Variants in NOS2 observed in about 807,000 individuals in gnomAD.
NOS2 encodes the protein nitric oxide synthase 2.
Under a neutral mutation model 136.0 loss-of-function variants are expected in NOS2, and 96 were observed. The ratio of observed to expected loss-of-function variants is 0.71; its 90% CI spans 0.60 to 0.84. The LOEUF (loss-of-function observed/expected upper bound fraction) is 0.84, where lower values mean the gene tolerates loss of function less well. Among genes scored for constraint, NOS2 ranks in the 40% least tolerant of loss-of-function variants. The pLI is 0.00. For synonymous variants in NOS2, 539 were observed against 587.5 expected (o/e 0.92, Z 1.20); for missense variants, 1,237 against 1,496.9 (o/e 0.83, Z 2.87).
Position 27,787,789 on chromosome 17 carries a change from A to G in NOS2, c.356T>C (p.Ile119Thr). The G allele has an allele frequency of 6.2e-7, 1 of 1,613,046 alleles. No individual in the cohort carries two copies. The highest frequency in any genetic ancestry group is 8.5e-7 in the Non-Finnish European group (1 of 1,179,556). ...TCTGGTCAAACTTTTGGGAGTCATA[A>G]TGGACCCCAGGCAAGATTTGGACCT... is the stretch of plus-strand genomic sequence containing the variant. ...TCRSKSCLGS[I>T]MTPKSLTRGP... The change falls in exon 5 of 27, where the codon ATT becomes ACT. Residue 119 changes from isoleucine to threonine, a missense_variant. Physicochemically the swap from Ile to Thr is moderately conservative, Grantham distance 89 (BLOSUM62 -1). Coordinates refer to ENST00000313735, the MANE Select transcript of NOS2 (RefSeq NM_000625.4).
intron 2 of NOS2, among the ~76,000 whole-genome samples, chr17:27,796,021 G>A (rs753031992): frequency 9.2e-5 from 14 of 152,158 alleles, no homozygotes; most frequent in Non-Finnish European, 1.5e-4. Flanking sequence ...AGCCAACACC[G>A]TAAGGGTTTT....
intron 3 of NOS2, 126 bp from the exon 4 acceptor site, chr17:27,789,057 C>G: frequency 7.6e-7 from 1 of 1,317,246 alleles, no homozygotes; most frequent in Non-Finnish European, 1.0e-6. Context: ...CGTCCCTCCT[C>G]TGTTTCCAGC....
intron 11 of NOS2, among the ~76,000 whole-genome samples, chr17:27,777,312 A>G (rs569039036): frequency 1.3e-5 from 2 of 152,350 alleles, no homozygotes; most frequent in South Asian, 4.1e-4. Flanking sequence ...GGCATCTGTC[A>G]GCTTTGTGGC....
rs772196778 is a variant in NOS2, at chr17:27,780,883, C to T, written c.888G>A (p.Lys296=). 1.2e-6 allele frequency: 2 copies of T among 1,613,780 alleles called. No individual in the cohort carries two copies. Among genetic ancestry groups the T allele is most frequent in the African/African-American group, 1.3e-5 (1 of 75,062 alleles). Residue 296 remains lysine, a synonymous_variant, in exon 9 of 27, where the codon AAG becomes AAA. Coordinates refer to ENST00000313735, the MANE Select transcript of NOS2 (RefSeq NM_000625.4). ...FTQLCIDLGW[K]PKYGRFDVVP... ...CCACATCGAAGCGGCCGTACTTGGG[C>T]TTCCAGCCCAGGTCGATGCACAGCT... is the stretch of plus-strand genomic sequence containing the variant.
At chr17:27,789,975 G>A (rs1909142721) in intron 2 of NOS2, among the ~76,000 whole-genome samples, 1 of 152,212 alleles carries the variant, frequency 6.6e-6, no homozygotes, top group Non-Finnish European at 1.5e-5. Context: ...TCACCCTCTG[G>A]AAAAGCCAAG....
chr17:27,789,034 G>C (rs1909110107), intron 3 of NOS2, 103 bp from the exon 4 acceptor site: 2 of 1,454,736 alleles, frequency 1.4e-6, no homozygotes, highest in East Asian at 4.7e-5. Context: ...ACACAGGGCA[G>C]GGTGTCCCTC....
At position 27,769,598 on chromosome 17, in the gene NOS2, G is replaced by A. The variant is rs777664480; in HGVS notation, c.1810-14C>T. The A allele has an allele frequency of 6.2e-7, 1 of 1,606,024 alleles. No individual in the cohort carries two copies. Among genetic ancestry groups the A allele is most frequent in the Non-Finnish European group, 8.5e-7 (1 of 1,172,620 alleles). ...TTTCTTCAGTTTCTAGAAAGAGAGGGAATGACAGAGTTCTCAAGCCAGGAT... is the reference window on the plus strand; with the variant it reads ...TTTCTTCAGTTTCTAGAAAGAGAGGAAATGACAGAGTTCTCAAGCCAGGAT... On this transcript the variant is annotated splice_polypyrimidine_tract_variant and intron_variant, in intron 15 of 26. Coordinates refer to ENST00000313735, the MANE Select transcript of NOS2 (RefSeq NM_000625.4).
rs199687777 is a variant in NOS2, at chr17:27,780,920, C to G, written c.865-14G>C. 2 of 1,608,270 alleles carry G rather than the reference C, an allele frequency of 1.2e-6. No homozygotes were observed. The highest frequency in any genetic ancestry group is 2.2e-5 in the South Asian group (2 of 90,042). ...GTCGATGCACAGCTGGGGAACAAGA[C>G]GGGCCCTGTGAGTCTGTAAGCCCGG... On this transcript the variant is annotated splice_polypyrimidine_tract_variant and intron_variant, in intron 8 of 26. Coordinates refer to ENST00000313735, the MANE Select transcript of NOS2 (RefSeq NM_000625.4).
chr17:27,769,051 T>C lies in NOS2; in HGVS notation c.1960A>G (p.Thr654Ala). 2 of 1,612,544 alleles carry C rather than the reference T, an allele frequency of 1.2e-6. No homozygotes were observed. The highest frequency in any genetic ancestry group is 2.7e-5 in the African/African-American group (2 of 75,012). The change falls in exon 17 of 27, where the codon ACC becomes GCC. Residue 654 changes from threonine (T) to alanine (A), a missense_variant. Physicochemically the swap from Thr to Ala is moderately conservative, Grantham distance 58. Transcript: ENST00000313735. ...AGCTCATCCCCTTCTCCCATCGGGG[T>C]GAGCTGAGAGGCCCCCAGGTGGGAC... ...KLSHLGASQL[T>A]PMGEGDELSG...
chr17:27,763,021 G>A lies in NOS2; in HGVS notation c.2593-16C>T. 5 of 1,563,916 alleles carry A rather than the reference G, an allele frequency of 3.2e-6. No individual in the cohort carries two copies. In the South Asian group the frequency reaches 4.7e-5, roughly 15 times the overall value. On this transcript the variant is annotated splice_polypyrimidine_tract_variant and intron_variant, in intron 21 of 26. Transcript: ENST00000313735. Reference sequence around the variant, plus strand: ...ACTCTGAGGGCTAAAAGCCAAGGGTGATGTCAGTGACTCAGGGCGCCTGTC... The same window carrying A: ...ACTCTGAGGGCTAAAAGCCAAGGGTAATGTCAGTGACTCAGGGCGCCTGTC...
In NOS2 at chr17:27,769,881, G is replaced by A. The variant is rs144778238; in HGVS notation, c.1810-297C>T. On this transcript the variant is annotated intron_variant, in intron 15 of 26. Transcript: ENST00000313735. ...GGCAGAGGGGCCTGCCTGGTAGCAT[G>A]CCTTCTCCAGAGGGGCTCCGAATGC... Among the ~76,000 whole-genome samples the A allele has an allele frequency of 2.6e-5, 4 of 152,326 alleles. No homozygotes were observed. The East Asian group carries it at 7.7e-4, about 29-fold the overall frequency.
intron 2 of NOS2, among the ~76,000 whole-genome samples, chr17:27,794,662 C>A (rs1909295441): frequency 6.6e-6 from 1 of 151,964 alleles, no homozygotes; most frequent in Non-Finnish European, 1.5e-5. Flanking sequence ...CACCTAGATG[C>A]TCCCACATTT....
intron 11 of NOS2, among the ~76,000 whole-genome samples, chr17:27,777,907 TG>T (rs1213821100): frequency 6.6e-6 from 1 of 151,820 alleles, no homozygotes; most frequent in African/African-American, 2.4e-5. Flanking sequence ...TAGGCAAGCG[TG>T]GTATGCACCT....
In NOS2 at chr17:27,769,142, C is replaced by T; in HGVS notation, c.1869G>A (p.Val623=). Residue 623 remains valine, a synonymous_variant, in exon 17 of 27, where the codon GTG becomes GTA. Transcript: ENST00000313735. ...KELNNKFRYA[V]FGLGSSMYPR... ...GGTACATGCTGGAGCCGAGGCCAAA[C>T]ACAGCGTACCTGCCCGAGGACACAC... 6.2e-7 allele frequency: 1 copy of T among 1,609,636 alleles called. No homozygotes were observed. The highest frequency in any genetic ancestry group is 8.5e-7 in the Non-Finnish European group (1 of 1,179,070).
At chr17:27,781,793 C>A (rs2142517807) in intron 7 of NOS2, among the ~76,000 whole-genome samples, 1 of 152,286 alleles carries the variant, frequency 6.6e-6, no homozygotes, top group South Asian at 2.1e-4. Flanking sequence ...GGCTCCACAT[C>A]AGAAGGAAAC....
chr17:27,790,596 T>C (rs1163281416), intron 2 of NOS2, among the ~76,000 whole-genome samples: 1 of 152,204 alleles, frequency 6.6e-6, no homozygotes, highest in East Asian at 1.9e-4. Flanking sequence ...GTTTCACCTA[T>C]ACCTTCCCTG....
intron 18 of NOS2, among the ~76,000 whole-genome samples, chr17:27,767,224 G>C (rs994651312): frequency 1.3e-5 from 2 of 152,214 alleles, no homozygotes; most frequent in Non-Finnish European, 2.9e-5. Context: ...CACAGCACCT[G>C]GGGGTGCAGA....
In NOS2 at chr17:27,760,606, G is replaced by A; in HGVS notation, c.3010+17C>T. On this transcript the variant is annotated intron_variant, in intron 24 of 26. Coordinates refer to ENST00000313735, the MANE Select transcript of NOS2 (RefSeq NM_000625.4). Reference sequence around the variant, plus strand: ...GCCCCCTGGTGCCCCTCCCACCTGGGAAGCCTCCAGCCTTACCCTTGTGCT... The same window carrying A: ...GCCCCCTGGTGCCCCTCCCACCTGGAAAGCCTCCAGCCTTACCCTTGTGCT... The A allele has an allele frequency of 6.4e-7, 1 of 1,552,310 alleles. No homozygotes were observed. Among genetic ancestry groups the A allele is most frequent in the Non-Finnish European group, 8.7e-7 (1 of 1,147,564 alleles).
intron 2 of NOS2, among the ~76,000 whole-genome samples, chr17:27,790,253 C>G (rs1221548711): frequency 6.6e-6 from 1 of 152,180 alleles, no homozygotes; most frequent in African/African-American, 2.4e-5. Context: ...ACCACCACAC[C>G]TGGCTAATTT....
Sources: allele counts gnomAD v4.1 joint callset (sites outside exome capture counted in the v4.1 genomes callset), GRCh38; gene constraint gnomAD v4.1.1; transcripts MANE v1.5; gene names NCBI Gene and HGNC (gene_info 2026-07-23, HGNC 2026-07-21).